ANK2: variants seen among roughly 807,000 people sequenced by gnomAD.
The protein encoded by ANK2 is ankyrin-2.
In ANK2, 83 loss-of-function variants were observed where a neutral mutation model predicts 360.5. The ratio of observed to expected loss-of-function variants is 0.23; its 90% confidence interval spans 0.19 to 0.28. The LOEUF (loss-of-function observed/expected upper bound fraction) is 0.28, where lower values mean the gene tolerates loss of function less well. Among genes scored for constraint, ANK2 ranks in the 10% least tolerant of loss-of-function variants. The pLI, the probability that ANK2 is intolerant of heterozygous loss-of-function variation, is 1.00. For missense variants in ANK2, 4,201 were observed against 4,795.7 expected, an observed-to-expected ratio of 0.88 and a Z score of 3.66; for synonymous variants, 1,740 against 1,759.5, an observed-to-expected ratio of 0.99 and a Z score of 0.28.
At chr4:113,099,761 G>A (rs929270929) in intron 1 of ANK2, among the ~76,000 whole-genome samples, 2 of 152,010 alleles carry the variant, frequency 1.3e-5, no homozygotes, top group Non-Finnish European at 2.9e-5. Context: ...GTGTGGTACT[G>A]GTGAAAGAAT....
the ANK2 span, among the ~76,000 whole-genome samples, chr4:112,799,701 G>T: frequency 6.6e-6 from 1 of 151,722 alleles, no homozygotes; most frequent in Non-Finnish European, 1.5e-5. Context: ...ATTTTTAGTA[G>T]AGACAGGGTT....
chr4:112,769,402 A>C, the ANK2 span, among the ~76,000 whole-genome samples: 1 of 152,220 alleles, frequency 6.6e-6, no homozygotes, highest in Admixed American at 6.5e-5. Context: ...AAGGGTATAC[A>C]TACTGGAACC....
intron 26 of ANK2, among the ~76,000 whole-genome samples, chr4:113,319,461 C>G (rs2084788341): frequency 6.6e-6 from 1 of 151,044 alleles, no homozygotes; most frequent in Non-Finnish European, 1.5e-5. Context: ...TATCAAAATG[C>G]AATATTTTGA....
chr4:113,011,111 A>T (rs112290427), intron 2 of ANK2, among the ~76,000 whole-genome samples: 134 of 147,750 alleles, frequency 9.1e-4, no homozygotes, highest in African/African-American at 3.2e-3. Context: ...TTTTGGATTT[A>T]AAGATAATAG....
chr4:113,120,857 T>G (rs2095309680), intron 1 of ANK2, among the ~76,000 whole-genome samples: 1 of 152,170 alleles, frequency 6.6e-6, no homozygotes, highest in Non-Finnish European at 1.5e-5. Context: ...GAACATAAAG[T>G]ATATATTTAA....
intron 2 of ANK2, among the ~76,000 whole-genome samples, chr4:112,933,534 C>G (rs1046251535): frequency 1.3e-5 from 2 of 149,310 alleles, no homozygotes; most frequent in African/African-American, 4.9e-5. Context: ...GAGTGTTGCT[C>G]TTGTTGCCCA....
chr4:113,118,933 C>T (rs1163756424), intron 1 of ANK2, among the ~76,000 whole-genome samples: 1 of 152,140 alleles, frequency 6.6e-6, no homozygotes, highest in Non-Finnish European at 1.5e-5. Context: ...ATGCATACAC[C>T]TGGAAAATCA....
intron 9 of ANK2, among the ~76,000 whole-genome samples, chr4:113,248,514 C>T (rs911874027): frequency 6.6e-6 from 1 of 152,068 alleles, no homozygotes; most frequent in Non-Finnish European, 1.5e-5. Context: ...AGCCAGAGGA[C>T]AAGGCAGCTC....
chr4:113,317,678 T>C (rs2153836226), intron 24 of ANK2, 29 bp from the exon 25 acceptor site: 12 of 1,560,144 alleles, frequency 7.7e-6, no homozygotes, highest in Non-Finnish European at 1.1e-5. Context: ...GCTGTTGGTA[T>C]ATGCCATGGC....
chr4:113,235,940 C>CTG (rs375293307), intron 5 of ANK2, among the ~76,000 whole-genome samples: 17 of 150,240 alleles, frequency 1.1e-4, no homozygotes, highest in African/African-American at 3.9e-4. Context: ...CTGGGTTTCA[C>CTG]TGTTAGCCAG....
chr4:112,754,008 T>A, the ANK2 span, among the ~76,000 whole-genome samples: 1 of 149,992 alleles, frequency 6.7e-6, no homozygotes, highest in Non-Finnish European at 1.5e-5. Context: ...TGAGGCACGA[T>A]AATCACTTGA....
At chr4:113,330,194 C>A (rs2153920254) in intron 26 of ANK2, 52 bp from the exon 27 acceptor site, 1 of 1,530,578 alleles carries the variant, frequency 6.5e-7, no homozygotes, top group South Asian at 1.2e-5. Flanking sequence ...AAAGCTTGTT[C>A]ATCTGCCCCC....
At chr4:113,060,288 T>C (rs1198999051) in intron 1 of ANK2, among the ~76,000 whole-genome samples, 2 of 152,136 alleles carry the variant, frequency 1.3e-5, no homozygotes, top group African/African-American at 4.8e-5. Flanking sequence ...CATTTTTCAA[T>C]GATAATAATA....
chr4:113,212,883 T>G (rs1004064807), intron 4 of ANK2, among the ~76,000 whole-genome samples: 3 of 152,196 alleles, frequency 2.0e-5, no homozygotes, highest in South Asian at 2.1e-4. Context: ...CTTGGCACAA[T>G]GAAGAACATA....
chr4:113,285,901 A>G (rs140032350), intron 18 of ANK2, among the ~76,000 whole-genome samples: 1 of 152,366 alleles, frequency 6.6e-6, no homozygotes, highest in East Asian at 1.9e-4. Context: ...AAAGACTGTA[A>G]TAACGGCTAT....
chr4:112,749,589 GT>G, the ANK2 span, among the ~76,000 whole-genome samples: 2 of 152,166 alleles, frequency 1.3e-5, no homozygotes, highest in Non-Finnish European at 1.5e-5. Context: ...CTACTGAATA[GT>G]TACTGGATTG....
the ANK2 span, among the ~76,000 whole-genome samples, chr4:112,789,246 A>G: frequency 1.3e-5 from 2 of 152,234 alleles, no homozygotes; most frequent in African/African-American, 2.4e-5. Context: ...GATGAGCTGA[A>G]GCCTGAGGTT....
intron 1 of ANK2, among the ~76,000 whole-genome samples, chr4:112,838,270 G>C (rs1209541257): frequency 6.6e-6 from 1 of 152,168 alleles, no homozygotes; most frequent in Admixed American, 6.5e-5. Context: ...TGCCATGATT[G>C]TAAGTTCCCT....
intron 2 of ANK2, among the ~76,000 whole-genome samples, chr4:113,002,566 G>C (rs925276720): frequency 6.6e-6 from 1 of 151,764 alleles, no homozygotes; most frequent in Non-Finnish European, 1.5e-5. Context: ...CTGTTGTGGG[G>C]TGGGGGGAGA....
Sources: allele counts gnomAD v4.1 joint callset (sites outside exome capture counted in the v4.1 genomes callset), GRCh38; gene constraint gnomAD v4.1.1; transcripts MANE v1.5; gene names NCBI Gene and HGNC (gene_info 2026-07-23, HGNC 2026-07-21).